LAMB3: variants seen among roughly 807,000 people sequenced by gnomAD.
LAMB3 encodes the protein laminin subunit beta 3, also known as laminin subunit beta-3.
A neutral mutation model predicts 140.3 loss-of-function variants in LAMB3; 104 were observed. The ratio of observed to expected loss-of-function variants is 0.74; its 90% CI spans 0.63 to 0.87. The LOEUF (loss-of-function observed/expected upper bound fraction) is 0.87. LAMB3 is among the 40% of genes least tolerant of loss of function. The pLI, the probability that LAMB3 is intolerant of heterozygous loss-of-function variation, is 0.00. For synonymous variants in LAMB3, 592 were observed against 602.9 expected, an observed-to-expected ratio of 0.98 and a Z score of 0.26; for missense variants, 1,531 against 1,575.2, an observed-to-expected ratio of 0.97 and a Z score of 0.47.
At chr1:209,633,948 G>C (rs1389440155) in intron 6 of LAMB3, among the ~76,000 whole-genome samples, 1 of 152,202 alleles carries the variant, frequency 6.6e-6, no homozygotes, top group Non-Finnish European at 1.5e-5. Context: ...TCTAGCTCAG[G>C]GTTTAAGCTC....
intron 3 of LAMB3, 50 bp downstream of exon 3, chr1:209,649,912 TCA>T: frequency 6.2e-7 from 1 of 1,600,662 alleles, no homozygotes; most frequent in South Asian, 1.1e-5. Flanking sequence ...AAATGGCAGC[TCA>T]CACACCCCTC....
intron 3 of LAMB3, among the ~76,000 whole-genome samples, chr1:209,645,628 A>G (rs2102458729): frequency 6.6e-6 from 1 of 151,808 alleles, no homozygotes; most frequent in South Asian, 2.1e-4. Flanking sequence ...AGGCAGGAGA[A>G]TTACTTGAAC....
intron 21 of LAMB3, among the ~76,000 whole-genome samples, chr1:209,616,834 G>A (rs931491634): frequency 2.0e-5 from 3 of 152,120 alleles, no homozygotes; most frequent in Admixed American, 6.5e-5. Flanking sequence ...TCCAGCTCTT[G>A]ACATGACCCA....
At chr1:209,651,133 G>C in intron 1 of LAMB3, 152 bp from the exon 2 acceptor site, 1 of 669,504 alleles carries the variant, frequency 1.5e-6, no homozygotes, top group Admixed American at 2.2e-5. Flanking sequence ...TACATTTGTA[G>C]CTTGGAAAAT....
At chr1:209,644,189 G>A (rs1176329163) in intron 3 of LAMB3, among the ~76,000 whole-genome samples, 2 of 152,212 alleles carry the variant, frequency 1.3e-5, no homozygotes, top group African/African-American at 4.8e-5. Flanking sequence ...GCAGCACCTA[G>A]TGCAGGCGCT....
intron 5 of LAMB3, 125 bp from the exon 6 acceptor site, chr1:209,634,763 T>C: frequency 2.6e-6 from 2 of 766,060 alleles, no homozygotes; most frequent in Non-Finnish European, 4.3e-6. Flanking sequence ...GCAAGTGGGC[T>C]CGGAGCATCC....
Position 209,629,830 on chromosome 1 carries a change from G to C in LAMB3, c.1039C>G (p.Arg347Gly), listed in dbSNP as rs375680175. ...GAYGGVCDNC[R>G]DHTEGKNCER... is the part of the protein sequence containing the mutation. ...CAGTTCTTGCCTTCGGTGTGGTCCC[G>C]GCAATTGTCACACACACCTCCATAT... Residue 347 changes from arginine to glycine, a missense_variant, in exon 10 of 23, where the codon CGG (arginine) becomes GGG (glycine). Physicochemically the swap from Arg to Gly is moderately radical, Grantham distance 125. Coordinates refer to ENST00000356082, the MANE Select transcript of LAMB3 (RefSeq NM_000228.3). The C allele has an allele frequency of 1.2e-6, 2 of 1,613,852 alleles. No homozygotes were observed. The highest frequency in any genetic ancestry group is 3.3e-5 in the Admixed American group (2 of 60,014).
chr1:209,640,787 A>C (rs2076461411), intron 3 of LAMB3, among the ~76,000 whole-genome samples: 1 of 152,194 alleles, frequency 6.6e-6, no homozygotes, highest in African/African-American at 2.4e-5. Flanking sequence ...TGCTTAGAAA[A>C]ATACCTAGCA....
rs757647232 is a variant in LAMB3 at position 209,623,706 on chromosome 1, G to A, written c.2157C>T (p.Ser719=). ...ADPSGAFRML[S]TAYEQSAQAA... ...CCTGGGCTGACTGCTCGTAGGCTGT[G>A]CTCAGCATCCGGAAGGCTCCTGTGG... The change falls in exon 16 of 23, where the codon AGC becomes AGT. Residue 719 remains serine (S), a synonymous_variant. Transcript: ENST00000356082. This position sits in a 1 kb window ranked among gnomAD's most constrained non-coding sequence, Gnocchi z 4.2. 1.1e-5 allele frequency: 17 copies of A among 1,613,980 alleles called. No individual in the cohort carries two copies. Among genetic ancestry groups the A allele is most frequent in the Non-Finnish European group, 1.4e-5 (16 of 1,180,046 alleles).
At chr1:209,620,554 G>C (rs1050820348) in intron 18 of LAMB3, among the ~76,000 whole-genome samples, 1 of 152,226 alleles carries the variant, frequency 6.6e-6, no homozygotes, top group African/African-American at 2.4e-5. Context: ...GTATTTGTGT[G>C]TCTATGCCGT....
At chr1:209,650,365 T>A (rs116144224) in intron 2 of LAMB3, among the ~76,000 whole-genome samples, 266 of 152,300 alleles carry the variant, frequency 1.7e-3, no homozygotes, top group African/African-American at 6.3e-3. Flanking sequence ...AAACCATAGA[T>A]GACCCTAAAA....
intron 5 of LAMB3, among the ~76,000 whole-genome samples, chr1:209,635,725 G>A (rs2282733): frequency 0.33 from 50,523 of 152,132 alleles, 9,767 homozygotes; most frequent in Middle Eastern, 0.52. Flanking sequence ...AGTAGAGACA[G>A]GGTTTTGCCA....
At chr1:209,625,032 G>A (rs1198376836) in intron 14 of LAMB3, among the ~76,000 whole-genome samples, 2 of 152,136 alleles carry the variant, frequency 1.3e-5, no homozygotes, top group Non-Finnish European at 2.9e-5. Context: ...TCCTCTCCCG[G>A]AGCCCCCAGC....
At chr1:209,648,795 C>T (rs1292305867) in intron 3 of LAMB3, among the ~76,000 whole-genome samples, 1 of 152,048 alleles carries the variant, frequency 6.6e-6, no homozygotes, top group Non-Finnish European at 1.5e-5. Flanking sequence ...TAGATATGGG[C>T]TCATAATTTG....
At position 209,623,577 on chromosome 1, in the gene LAMB3, G is replaced by T. The variant is rs11555726; in HGVS notation, c.2286C>A (p.Thr762=). ...TCAGGGCCACAAGCTTGGGGCTGCC[G>T]GTGCCTCCTCCTCCTCCCGCCTGCC... is the stretch of plus-strand genomic sequence containing the variant. ...LVRQAGGGGG[T]GSPKLVALRL... The change falls in exon 16 of 23, where the codon ACC becomes ACA. Residue 762 remains threonine, a synonymous_variant. Coordinates refer to ENST00000356082, the MANE Select transcript of LAMB3 (RefSeq NM_000228.3). The surrounding 1 kb of genome is among the most constrained non-coding windows in gnomAD (Gnocchi z 4.2). The T allele has an allele frequency of 6.2e-7, 1 of 1,614,164 alleles. No individual in the cohort carries two copies.
rs1666039215 is a variant in LAMB3 at position 209,617,959 on chromosome 1, G to C, written c.2999C>G (p.Thr1000Ser). 3 of 1,614,200 alleles carry C rather than the reference G, an allele frequency of 1.9e-6. No homozygotes were observed. In the East Asian group the frequency reaches 6.7e-5, roughly 36 times the overall value. The stretch of plus-strand genomic sequence containing the variant: ...AAGGGAGCGGCTGGTGCCTTGCATG[G>C]TGTCCTGAGCTTCCTGCAGTGCCAC... ...GTVALQEAQD[T>S]MQGTSRSLRL... is the part of the protein sequence containing the mutation. The change falls in exon 20 of 23, where the codon ACC becomes AGC. Residue 1000 changes from threonine to serine, a missense_variant. Physicochemically the swap from Thr to Ser is moderately conservative, Grantham distance 58 (BLOSUM62 1). Coordinates refer to ENST00000356082, the MANE Select transcript of LAMB3 (RefSeq NM_000228.3).
rs201554705 is a variant in LAMB3 at position 209,634,594 on chromosome 1, G to A, written c.417C>T (p.Phe139=). 1.7e-5 allele frequency: 27 copies of A among 1,613,966 alleles called. No individual in the cohort carries two copies. The highest frequency in any genetic ancestry group is 1.6e-4 in the Middle Eastern group (1 of 6,082). The change falls in exon 6 of 23, where the codon TTC becomes TTT. Residue 139 remains phenylalanine, a synonymous_variant. Transcript: ENST00000356082. ...ACTGGTACACTCGCCAGGTCTTACCGAAGTCTGAGGAGCGCTCAATCAGCA... is the reference window on the plus strand; with the variant it reads ...ACTGGTACACTCGCCAGGTCTTACCAAAGTCTGAGGAGCGCTCAATCAGCA... The part of the protein sequence containing the change: ...AGMLIERSSD[F]GKTWRVYQYL...
intron 5 of LAMB3, among the ~76,000 whole-genome samples, chr1:209,637,309 A>T (rs965898226): frequency 6.6e-6 from 1 of 152,206 alleles, no homozygotes; most frequent in African/African-American, 2.4e-5. Context: ...AAATTTGATC[A>T]TTGAATATCT....
At chr1:209,632,149 C>T (rs1315462790) in intron 8 of LAMB3, among the ~76,000 whole-genome samples, 8 of 152,226 alleles carry the variant, frequency 5.3e-5, no homozygotes, top group Non-Finnish European at 1.0e-4. Context: ...TATCTCACCA[C>T]TAGCTGAGAC....
Sources: gnomAD v4.1 joint callset for allele counts (sites outside exome capture counted in the v4.1 genomes callset) on GRCh38, gnomAD v4.1.1 for gene constraint, Gnocchi (gnomAD v3.1) non-coding constraint, MANE v1.5 for transcripts, NCBI Gene and HGNC (gene_info 2026-07-23, HGNC 2026-07-21) for gene names.